The following CELF2 variants were observed in gnomAD, a reference collection of about 807,000 sequenced individuals.
The protein encoded by CELF2 is CUG triplet repeat RNA-binding protein 2.
In CELF2, 8 loss-of-function variants were observed where a neutral mutation model predicts 62.6. The ratio of observed to expected loss-of-function variants is 0.13; its 90% confidence interval spans 0.07 to 0.23. The LOEUF (loss-of-function observed/expected upper bound fraction) is 0.23. Ranked by LOEUF, CELF2 falls within the 10% of genes least tolerant of loss-of-function variation. CELF2 has a pLI of 1.00. For missense variants in CELF2, 333 were observed against 671.0 expected, an observed-to-expected ratio of 0.50 and a Z score of 5.56; for synonymous variants, 258 against 250.0, an observed-to-expected ratio of 1.03 and a Z score of -0.30.
chr10:11,274,552 G>C (rs1220311305), intron 7 of CELF2, among the ~76,000 whole-genome samples: 1 of 152,244 alleles, frequency 6.6e-6, no homozygotes, highest in East Asian at 1.9e-4. Flanking sequence ...TGGTCATGTA[G>C]TGGTGGCTGC....
rs78964831 is a variant in CELF2, at chr10:10,916,448, G to A, written c.54-3516G>A. Among the ~76,000 whole-genome samples the A allele has an allele frequency of 3.3e-4, 50 of 152,226 alleles. No individual in the cohort carries two copies. The East Asian group carries it at 7.5e-3, about 23-fold the overall frequency. On this transcript the variant is annotated intron_variant, in intron 1 of 13. Coordinates refer to the CELF2 transcript ENST00000636488. ...GAGCGTGTAAAGCATAGTTTTCCCC[G>A]GCTGGGACTTAATACATGATGAACA...
chr10:10,751,040 C>T, the CELF2 span, among the ~76,000 whole-genome samples: 2 of 152,234 alleles, frequency 1.3e-5, no homozygotes, highest in South Asian at 2.1e-4. Context: ...CCCGTTTCAG[C>T]GATGTCTAGA....
chr10:10,599,679 T>G, the CELF2 span, among the ~76,000 whole-genome samples: 1 of 152,112 alleles, frequency 6.6e-6, no homozygotes, highest in African/African-American at 2.4e-5. Flanking sequence ...GTTTTTAATT[T>G]TTTTCTGTTG....
At chr10:10,724,666 A>G in the CELF2 span, among the ~76,000 whole-genome samples, 2 of 149,896 alleles carry the variant, frequency 1.3e-5, no homozygotes, top group African/African-American at 4.9e-5. Flanking sequence ...AAAAAAAAAA[A>G]AAAAGAAAAA....
chr10:11,099,881 CAACAAAAA>C lies in CELF2; in HGVS notation c.75-65602_75-65595del, dbSNP rs1385411766. Among the ~76,000 whole-genome samples, 268 of 133,758 alleles carry C rather than the reference CAACAAAAA, an allele frequency of 2.0e-3. 3 individuals carry two copies. Among genetic ancestry groups the C allele is most frequent in the African/African-American group, 6.6e-3 (239 of 36,212 alleles). The allele number at this position is 133,758 out of a possible 152,430, so 87.8% of individuals were successfully genotyped here. On this transcript the variant is annotated intron_variant, in intron 1 of 12. Transcript: ENST00000633077. Reference sequence around the variant, plus strand: ...TGTTTCTACATTAAAACAACAACAACAACAAAAAAAAAAAAAAAAAACAGAAAAAACAG... The same window carrying C: ...TGTTTCTACATTAAAACAACAACAACAAAAAAAAAAAAACAGAAAAAACAG...
intron 1 of CELF2, among the ~76,000 whole-genome samples, chr10:11,079,976 T>G (rs1160192425): frequency 6.6e-6 from 1 of 152,118 alleles, no homozygotes; most frequent in Non-Finnish European, 1.5e-5. Flanking sequence ...AAGAAAAAAA[T>G]GAAATGGAAC....
intron 1 of CELF2, among the ~76,000 whole-genome samples, chr10:11,163,515 G>A (rs979260016): frequency 3.3e-5 from 5 of 152,188 alleles, no homozygotes; most frequent in Non-Finnish European, 5.9e-5. Context: ...ACTTAAAAAG[G>A]ATAGGTGCAT....
At chr10:10,580,030 A>G in the CELF2 span, among the ~76,000 whole-genome samples, 27 of 152,204 alleles carry the variant, frequency 1.8e-4, no homozygotes, top group African/African-American at 6.3e-4. Context: ...AAAGATTACC[A>G]TAAATTATCT....
At chr10:11,048,582 T>A (rs952464045) in intron 1 of CELF2, among the ~76,000 whole-genome samples, 2 of 152,224 alleles carry the variant, frequency 1.3e-5, no homozygotes, top group Non-Finnish European at 2.9e-5. Context: ...AAGAGTTAGA[T>A]CCACCCTTGT....
intron 1 of CELF2, among the ~76,000 whole-genome samples, chr10:11,026,537 A>G (rs993929253): frequency 6.6e-6 from 1 of 152,192 alleles, no homozygotes; most frequent in African/African-American, 2.4e-5. Context: ...CATTTGTTAG[A>G]GGACTAATGT....
At chr10:10,939,066 A>C (rs2046729733) in intron 2 of CELF2, among the ~76,000 whole-genome samples, 1 of 152,072 alleles carries the variant, frequency 6.6e-6, no homozygotes, top group Admixed American at 6.5e-5. Context: ...GGGCCCTGAC[A>C]GTCTCCACCT....
At chr10:10,961,826 A>ATCTT (rs1458543522) in intron 2 of CELF2, among the ~76,000 whole-genome samples, 1 of 152,186 alleles carries the variant, frequency 6.6e-6, no homozygotes, top group African/African-American at 2.4e-5. Flanking sequence ...TCTGAAGTTA[A>ATCTT]TCTTTCATTG....
the CELF2 span, among the ~76,000 whole-genome samples, chr10:10,623,815 C>T: frequency 5.3e-5 from 8 of 152,156 alleles, no homozygotes; most frequent in African/African-American, 1.2e-4. Flanking sequence ...CGCAAATCTT[C>T]GAAATAGGGT....
At chr10:11,026,990 T>C (rs2059324275) in intron 1 of CELF2, among the ~76,000 whole-genome samples, 1 of 152,208 alleles carries the variant, frequency 6.6e-6, no homozygotes, top group Non-Finnish European at 1.5e-5. Context: ...CTGGGCCAGC[T>C]ATATTTGGCT....
At chr10:10,497,936 T>C in the CELF2 span, among the ~76,000 whole-genome samples, 1 of 152,094 alleles carries the variant, frequency 6.6e-6, no homozygotes. Flanking sequence ...AAAGAAGAAA[T>C]TGATGAACAG....
chr10:10,735,844 G>A, the CELF2 span, among the ~76,000 whole-genome samples: 1 of 152,254 alleles, frequency 6.6e-6, no homozygotes, highest in East Asian at 1.9e-4. Flanking sequence ...TGTGTTTTCA[G>A]CATTTATTAG....
At chr10:10,728,025 C>T in the CELF2 span, among the ~76,000 whole-genome samples, 37 of 152,084 alleles carry the variant, frequency 2.4e-4, no homozygotes, top group Admixed American at 4.6e-4. Flanking sequence ...GGTGTCATGA[C>T]TCATGCTGAC....
intron 2 of CELF2, chr10:10,920,044 C>T (rs2064740986): frequency 8.4e-7 from 1 of 1,196,274 alleles, no homozygotes; most frequent in African/African-American, 1.6e-5. Context: ...TTTCTTATAT[C>T]CACAAAGAGA....
At chr10:10,681,054 G>A in the CELF2 span, among the ~76,000 whole-genome samples, 1 of 151,900 alleles carries the variant, frequency 6.6e-6, no homozygotes, top group African/African-American at 2.4e-5. Flanking sequence ...TATTTATTCT[G>A]TATTGAATTA....
Sources: allele counts gnomAD v4.1 joint callset (sites outside exome capture counted in the v4.1 genomes callset), GRCh38; gene constraint gnomAD v4.1.1; transcripts MANE v1.5; gene names NCBI Gene and HGNC (gene_info 2026-07-23, HGNC 2026-07-21).